Variants in ASPSCR1 observed in about 807,000 individuals in gnomAD.
The protein encoded by ASPSCR1 is tether containing UBX domain for GLUT4.
ASPSCR1 carries 55 observed loss-of-function variants against 68.9 expected under a neutral mutation model. The ratio of observed to expected loss-of-function variants is 0.80; its 90% CI spans 0.64 to 1.00. The LOEUF (loss-of-function observed/expected upper bound fraction) is 1.00. Among genes scored for constraint, ASPSCR1 ranks in the 50% least tolerant of loss-of-function variants. The pLI is 0.00. For synonymous variants in ASPSCR1, 352 were observed against 332.6 expected (o/e 1.06, Z -0.63); for missense variants, 765 against 762.2 (o/e 1.00, Z -0.04).
Position 82,009,022 on chromosome 17 carries a change from G to C in ASPSCR1, c.934-15G>C. The C allele has an allele frequency of 6.7e-7, 1 of 1,503,670 alleles. No individual in the cohort carries two copies. Among genetic ancestry groups the C allele is most frequent in the Middle Eastern group, 2.0e-4 (1 of 5,084 alleles). The allele number at this position is 1,503,670 out of a possible 1,614,324, so 93.1% of individuals were successfully genotyped here. A position where few individuals can be genotyped will look rare whatever the true frequency, so the allele number is the denominator to read the frequency against. On this transcript the variant is annotated splice_polypyrimidine_tract_variant and intron_variant, in intron 7 of 15. Transcript: ENST00000306739. The stretch of plus-strand genomic sequence containing the variant: ...GCCCGTGACACCCGCCGTCAGCCGC[G>C]CCCTCTGCCTCCAGCCCGTGGACCG...
intron 7 of ASPSCR1, among the ~76,000 whole-genome samples, chr17:81,997,135 G>GATGAGGCCGTGTGGGCTCCGGC (rs2042376397): frequency 6.6e-6 from 1 of 152,194 alleles, no homozygotes; most frequent in Non-Finnish European, 1.5e-5. Flanking sequence ...TGGGCTCCGG[G>GATGAGGCCGTGTGGGCTCCGGC]ATGAGGCCGT....
In ASPSCR1 at chr17:82,017,377, A is replaced by G. The variant is rs1019623699; in HGVS notation, c.*55A>G. The G allele has an allele frequency of 6.2e-7, 1 of 1,611,062 alleles. No homozygotes were observed. Among genetic ancestry groups the G allele is most frequent in the Non-Finnish European group, 8.5e-7 (1 of 1,179,196 alleles). On this transcript the variant is annotated 3_prime_UTR_variant, in exon 16 of 16. Transcript: ENST00000306739. ...CAGCCACAGGACCACCTCCTCTGCC[A>G]GCAGGAATAAAGACTTGTGCATCCC...
Position 81,987,120 on chromosome 17 carries a change from C to T in ASPSCR1, c.374+1513C>T, listed in dbSNP as rs1268414951. On this transcript the variant is annotated intron_variant, in intron 4 of 15. Coordinates refer to ENST00000306739, the MANE Select transcript of ASPSCR1 (RefSeq NM_024083.4). The surrounding 1 kb of genome is among the most constrained non-coding windows in gnomAD (Gnocchi z 5.6). ...AAGCCACGGGCAGGGGTGAGCGGGA[C>T]CCGAGGCAGGAGGTGACAGAGCCTA... Among the ~76,000 whole-genome samples the T allele has an allele frequency of 6.8e-6, 1 of 147,792 alleles. No homozygotes were observed. The highest frequency in any genetic ancestry group is 6.7e-5 in the Admixed American group (1 of 14,908).
chr17:82,015,060 A>T, intron 12 of ASPSCR1: 1 of 1,593,272 alleles, frequency 6.3e-7, no homozygotes, highest in Non-Finnish European at 8.5e-7. Flanking sequence ...GGTGTGACCC[A>T]CTTTCCCTTT....
intron 13 of ASPSCR1, 44 bp from the exon 14 acceptor site, chr17:82,016,756 G>A (rs1206640693): frequency 1.9e-6 from 3 of 1,588,472 alleles, no homozygotes; most frequent in Admixed American, 3.4e-5. Flanking sequence ...ATGGTGAGTG[G>A]ACCCCTCCTC....
In ASPSCR1 at chr17:82,017,304, T is replaced by C. The variant is rs1330657274; in HGVS notation, c.1649-5T>C. 1 of 1,611,472 alleles carries C rather than the reference T, an allele frequency of 6.2e-7. No homozygotes were observed. Among genetic ancestry groups the C allele is most frequent in the East Asian group, 2.2e-5 (1 of 44,890 alleles). Reference sequence around the variant, plus strand: ...TGTGGTCACCCTGATGTGTCTGCACTACAGCCAGCAAGAGGTGAGAGCTGC... The same window carrying C: ...TGTGGTCACCCTGATGTGTCTGCACCACAGCCAGCAAGAGGTGAGAGCTGC... On this transcript the variant is annotated splice_region_variant and splice_polypyrimidine_tract_variant and intron_variant, in intron 15 of 15. Transcript: ENST00000306739.
chr17:82,016,131 T>C (rs1222397190), intron 12 of ASPSCR1: 1 of 305,812 alleles, frequency 3.3e-6, no homozygotes, highest in Non-Finnish European at 6.1e-6. Context: ...TCCCGGCGCA[T>C]CCGCCAGGAC....
intron 7 of ASPSCR1, 115 bp from the exon 8 acceptor site, chr17:82,008,922 G>A (rs2042815223): frequency 7.4e-7 from 1 of 1,353,606 alleles, no homozygotes; most frequent in Non-Finnish European, 9.6e-7. Flanking sequence ...GGGCCAGGGA[G>A]GGAGTGGGCC....
intron 10 of ASPSCR1, 152 bp downstream of exon 10, chr17:82,011,020 G>T (rs1362599152): frequency 2.2e-6 from 2 of 892,676 alleles, no homozygotes; most frequent in East Asian, 5.3e-5. Context: ...CCTTGGGGGT[G>T]CAGAGGCATC....
At position 82,009,557 on chromosome 17, in the gene ASPSCR1, GC is replaced by G; in HGVS notation, c.1161del (p.Tyr388ThrfsTer6). 3 of 1,580,936 alleles carry G rather than the reference GC, an allele frequency of 1.9e-6. No individual in the cohort carries two copies. Among genetic ancestry groups the G allele is most frequent in the Non-Finnish European group, 2.6e-6 (3 of 1,163,986 alleles). ...GCGCAGATAAAGGAGAAGCTGGAGCGCTACCCAAAGGTCTGCAGACAGGATG... is the reference window on the plus strand; with the variant it reads ...GCGCAGATAAAGGAGAAGCTGGAGCGTACCCAAAGGTCTGCAGACAGGATG... The part of the protein sequence containing the change: ...REAQIKEKLE[R>X]YPKVALRVLF... On this transcript the variant is annotated frameshift_variant, in exon 9 of 16. Coordinates refer to ENST00000306739, the MANE Select transcript of ASPSCR1 (RefSeq NM_024083.4). LOFTEE classifies it high-confidence loss of function.
chr17:81,984,948 C>A (rs566796493), intron 3 of ASPSCR1, among the ~76,000 whole-genome samples: 2 of 125,330 alleles, frequency 1.6e-5, no homozygotes, highest in African/African-American at 6.0e-5. Flanking sequence ...CGCACACACC[C>A]GCACACACCC....
chr17:81,985,078 A>ACACCTGTACACC (rs1246124873), intron 3 of ASPSCR1, among the ~76,000 whole-genome samples: 1 of 135,526 alleles, frequency 7.4e-6, no homozygotes, highest in African/African-American at 2.9e-5. Flanking sequence ...ACCTGTACAC[A>ACACCTGTACACC]CACACCTACA....
At chr17:81,993,279 TCTCGGCTCACTGCAAG>T (rs1381154275) in intron 4 of ASPSCR1, among the ~76,000 whole-genome samples, 1 of 152,114 alleles carries the variant, frequency 6.6e-6, no homozygotes, top group Non-Finnish European at 1.5e-5. Flanking sequence ...AGTGGCGCGA[TCTCGGCTCACTGCAAG>T]CTCCACCTCC....
At chr17:82,014,039 G>T (rs1046607747) in intron 12 of ASPSCR1, 4 of 152,218 alleles carry the variant, frequency 2.6e-5, no homozygotes, top group Non-Finnish European at 5.9e-5. Context: ...GGCAAGCCTG[G>T]CTCCTAACAC....
chr17:82,000,662 A>C (rs1351239383), intron 7 of ASPSCR1, among the ~76,000 whole-genome samples: 1 of 152,198 alleles, frequency 6.6e-6, no homozygotes, highest in Non-Finnish European at 1.5e-5. Context: ...GAAGGAAGAG[A>C]CAGGATAAAA....
intron 10 of ASPSCR1, 91 bp from the exon 11 acceptor site, chr17:82,011,452 C>A: frequency 8.0e-7 from 1 of 1,253,356 alleles, no homozygotes; most frequent in Non-Finnish European, 1.1e-6. Flanking sequence ...GGGAAAGGCC[C>A]AGGAGGGTGG....
intron 7 of ASPSCR1, chr17:82,007,256 T>A (rs1182703286): frequency 6.6e-6 from 1 of 152,244 alleles, no homozygotes; most frequent in Non-Finnish European, 1.5e-5. Flanking sequence ...CACGGCCCCG[T>A]GTGGGACCCT....
intron 11 of ASPSCR1, 86 bp from the exon 12 acceptor site, chr17:82,012,145 C>T (rs1220502865): frequency 6.8e-7 from 1 of 1,463,292 alleles, no homozygotes; most frequent in South Asian, 1.1e-5. Flanking sequence ...AGGCGTCACC[C>T]CCATCTGCAG....
intron 2 of ASPSCR1, among the ~76,000 whole-genome samples, chr17:81,980,320 G>A (rs2041756580): frequency 1.3e-5 from 2 of 152,176 alleles, no homozygotes; most frequent in African/African-American, 4.8e-5. Flanking sequence ...CCTAACACTG[G>A]GGGCAGAGGG....
Sources: gnomAD v4.1 joint callset for allele counts (sites outside exome capture counted in the v4.1 genomes callset) on GRCh38, gnomAD v4.1.1 for gene constraint, Gnocchi (gnomAD v3.1) non-coding constraint, MANE v1.5 for transcripts, NCBI Gene and HGNC (gene_info 2026-07-23, HGNC 2026-07-21) for gene names.